The following LRRC49 variants were observed in gnomAD, a reference collection of about 807,000 sequenced individuals.
LRRC49 encodes leucine-rich repeat-containing protein 49.
LRRC49 carries 50 observed loss-of-function variants against 83.3 expected under a neutral mutation model. That is an observed-to-expected ratio of 0.60 (90% confidence interval 0.48 to 0.76). The LOEUF (loss-of-function observed/expected upper bound fraction) is 0.76, where lower values mean the gene tolerates loss of function less well. LRRC49 is among the 30% of genes least tolerant of loss of function. The pLI, the probability that LRRC49 is intolerant of heterozygous loss-of-function variation, is 0.00. For synonymous variants in LRRC49, 286 were observed against 283.3 expected (o/e 1.01, Z -0.10); for missense variants, 704 against 809.1 (o/e 0.87, Z 1.58).
chr15:70,977,629 A>G (rs1341454404), intron 9 of LRRC49, among the ~76,000 whole-genome samples: 2 of 152,158 alleles, frequency 1.3e-5, no homozygotes, highest in Non-Finnish European at 1.5e-5. Context: ...CTGGGCAACA[A>G]GCAAGACACA....
intron 1 of LRRC49, chr15:70,859,567 G>A: frequency 3.0e-6 from 2 of 665,522 alleles, no homozygotes; most frequent in Admixed American, 1.8e-5. Flanking sequence ...ACCAGATCAA[G>A]TATGAGGAGC....
At chr15:70,963,193 T>C (rs2036668323) in intron 8 of LRRC49, among the ~76,000 whole-genome samples, 1 of 148,528 alleles carries the variant, frequency 6.7e-6, no homozygotes, top group Admixed American at 6.8e-5. Context: ...GGAGGATTGC[T>C]CGAGCCCAAG....
chr15:70,916,819 GC>G (rs1267138916), intron 6 of LRRC49, among the ~76,000 whole-genome samples: 2 of 152,190 alleles, frequency 1.3e-5, no homozygotes, highest in Non-Finnish European at 1.5e-5. Flanking sequence ...TGCTGTTGGG[GC>G]CAGGAAGCAG....
At chr15:70,984,467 T>A (rs2037521783) in intron 11 of LRRC49, 6 of 425,062 alleles carry the variant, frequency 1.4e-5, no homozygotes, top group Non-Finnish European at 2.4e-5. Flanking sequence ...TTCATATTTT[T>A]TATAGGGAAA....
chr15:71,040,147 A>G (rs191705294), intron 15 of LRRC49, among the ~76,000 whole-genome samples: 161 of 152,348 alleles, frequency 1.1e-3, no homozygotes, highest in African/African-American at 3.7e-3. Context: ...GTGAAAAATC[A>G]TGATTATTTC....
In LRRC49 at chr15:71,040,175, A is replaced by G. The variant is rs775130805; in HGVS notation, c.1857+2843A>G. 3.0e-4 allele frequency among the ~76,000 whole-genome samples: 45 copies of G among 152,238 alleles called. 1 individual carries two copies. Among genetic ancestry groups the G allele is most frequent in the Non-Finnish European group, 4.6e-4 (31 of 68,036 alleles). ...ATTATTTCTATAGACATTGAAAATA[A>G]ATTTCACACAATTCAATACCTATTC... is the stretch of plus-strand genomic sequence containing the variant. On this transcript the variant is annotated intron_variant, in intron 15 of 15. Transcript: ENST00000260382.
At chr15:71,034,132 A>T (rs1300472462) in intron 14 of LRRC49, among the ~76,000 whole-genome samples, 1 of 152,124 alleles carries the variant, frequency 6.6e-6, no homozygotes, top group East Asian at 1.9e-4. Flanking sequence ...TTTGCAAGCT[A>T]CCCATCTGAC....
intron 2 of LRRC49, chr15:70,881,839 A>G (rs544191591): frequency 5.8e-4 from 88 of 152,392 alleles, no homozygotes; most frequent in African/African-American, 2.0e-3. Flanking sequence ...ATGTAAGTAT[A>G]TGAAAACTCT....
At chr15:70,882,987 G>T in intron 2 of LRRC49, 1 of 1,476,166 alleles carries the variant, frequency 6.8e-7, no homozygotes, top group Non-Finnish European at 9.2e-7. Context: ...CAAGTAGTAA[G>T]ACAGTATAGC....
chr15:71,026,180 C>A (rs2039165288), intron 14 of LRRC49, among the ~76,000 whole-genome samples: 1 of 151,808 alleles, frequency 6.6e-6, no homozygotes. Flanking sequence ...TGGTTTTCTG[C>A]TCCTCTGTTG....
intron 8 of LRRC49, among the ~76,000 whole-genome samples, chr15:70,953,407 T>A (rs1224058890): frequency 6.6e-6 from 1 of 152,198 alleles, no homozygotes; most frequent in Non-Finnish European, 1.5e-5. Flanking sequence ...TGGAATGATA[T>A]GGAATTCTTG....
chr15:70,965,168 C>T (rs186878896), intron 9 of LRRC49, among the ~76,000 whole-genome samples: 1 of 152,266 alleles, frequency 6.6e-6, no homozygotes, highest in Admixed American at 6.5e-5. Flanking sequence ...ATTGCTCTTT[C>T]TAATGAGGTT....
chr15:71,012,173 T>TA (rs751331079), intron 13 of LRRC49, among the ~76,000 whole-genome samples: 4 of 152,210 alleles, frequency 2.6e-5, no homozygotes, highest in Admixed American at 6.5e-5. Context: ...TATTTTATAT[T>TA]AAAGAAAATA....
intron 8 of LRRC49, among the ~76,000 whole-genome samples, chr15:70,944,931 T>C (rs1462564433): frequency 6.6e-6 from 1 of 152,208 alleles, no homozygotes; most frequent in Non-Finnish European, 1.5e-5. Context: ...GGAATTGCAA[T>C]GTCTCCCAGT....
At chr15:70,993,331 A>G (rs2037959662) in intron 11 of LRRC49, among the ~76,000 whole-genome samples, 1 of 152,168 alleles carries the variant, frequency 6.6e-6, no homozygotes, top group African/African-American at 2.4e-5. Context: ...TGCCCTTCCC[A>G]GGTGAGGTGA....
intron 11 of LRRC49, among the ~76,000 whole-genome samples, chr15:70,998,544 T>C (rs531183473): frequency 6.6e-6 from 1 of 152,236 alleles, no homozygotes; most frequent in East Asian, 1.9e-4. Context: ...AGAAATCAGC[T>C]GTTTTTCTTA....
chr15:70,961,177 C>T (rs1172974615), intron 8 of LRRC49, among the ~76,000 whole-genome samples: 1 of 152,064 alleles, frequency 6.6e-6, no homozygotes, highest in African/African-American at 2.4e-5. Flanking sequence ...AGATGCTCAG[C>T]ATCTTTTGTC....
intron 8 of LRRC49, among the ~76,000 whole-genome samples, chr15:70,960,942 A>G (rs1320076994): frequency 2.6e-5 from 4 of 152,196 alleles, no homozygotes; most frequent in Admixed American, 6.6e-5. Context: ...GGGCATCATT[A>G]AAATTAGAAA....
At chr15:70,971,696 T>G (rs2037006330) in intron 9 of LRRC49, among the ~76,000 whole-genome samples, 1 of 152,200 alleles carries the variant, frequency 6.6e-6, no homozygotes, top group Admixed American at 6.5e-5. Flanking sequence ...TTCTTCTTAT[T>G]GCATTAGATC....
Sources: gnomAD v4.1 joint callset for allele counts (sites outside exome capture counted in the v4.1 genomes callset) on GRCh38, gnomAD v4.1.1 for gene constraint, MANE v1.5 for transcripts, NCBI Gene and HGNC (gene_info 2026-07-23, HGNC 2026-07-21) for gene names.